XRCC5: variants seen among roughly 807,000 people sequenced by gnomAD.
XRCC5 encodes the protein X-ray repair cross complementing 5.
Under a neutral mutation model 95.7 loss-of-function variants are expected in XRCC5, and 12 were observed. The observed-to-expected ratio is 0.13, with a 90% CI of 0.08 to 0.20. The LOEUF (loss-of-function observed/expected upper bound fraction) is 0.20, where lower values mean the gene tolerates loss of function less well. XRCC5 is among the 10% of genes least tolerant of loss of function. XRCC5 has a pLI of 1.00. For missense variants in XRCC5, 595 were observed against 873.9 expected (o/e 0.68, Z 4.02); for synonymous variants, 281 against 290.3 (o/e 0.97, Z 0.33).
At chr2:216,122,035 C>CT in intron 5 of XRCC5, 27 bp from the exon 6 acceptor site, 2 of 1,582,080 alleles carry the variant, frequency 1.3e-6, no homozygotes, top group Non-Finnish European at 1.7e-6. Flanking sequence ...GATTAGAACA[C>CT]TAACTACTGT....
intron 5 of XRCC5, among the ~76,000 whole-genome samples, chr2:216,119,832 C>G (rs986895961): frequency 2.0e-5 from 3 of 152,196 alleles, no homozygotes; most frequent in African/African-American, 7.2e-5. Context: ...ATATCCCTAA[C>G]AAAAATTTCT....
rs541863469 is a variant in XRCC5 at position 216,122,666 on chromosome 2, T to C, written c.683+413T>C. ...ATCTGAGATAGTCAGTATCTTCTTA[T>C]CATCCTATTAAGGTTTTAGAAAGTA... is the stretch of plus-strand genomic sequence containing the variant. On this transcript the variant is annotated intron_variant, in intron 6 of 20. Transcript: ENST00000392132. 3.9e-5 allele frequency among the ~76,000 whole-genome samples: 6 copies of C among 151,988 alleles called. No homozygotes were observed. The East Asian group carries it at 1.2e-3, about 29-fold the overall frequency.
At chr2:216,150,234 G>A (rs1315779771) in intron 14 of XRCC5, among the ~76,000 whole-genome samples, 1 of 152,106 alleles carries the variant, frequency 6.6e-6, no homozygotes, top group Non-Finnish European at 1.5e-5. Flanking sequence ...TGTCTGTTCA[G>A]GAAGTTTAAT....
intron 9 of XRCC5, among the ~76,000 whole-genome samples, chr2:216,131,668 C>T (rs1468139258): frequency 6.6e-6 from 1 of 152,188 alleles, no homozygotes; most frequent in Non-Finnish European, 1.5e-5. Context: ...CAAGCCTCTA[C>T]TGTTCATCAG....
intron 14 of XRCC5, among the ~76,000 whole-genome samples, chr2:216,148,917 CAA>C (rs768852031): frequency 2.0e-5 from 3 of 152,192 alleles, no homozygotes; most frequent in Non-Finnish European, 4.4e-5. Context: ...AAAAATAAAA[CAA>C]GAAGAAATTG....
intron 19 of XRCC5, among the ~76,000 whole-genome samples, chr2:216,203,580 T>A (rs1463377288): frequency 6.6e-6 from 1 of 152,224 alleles, no homozygotes; most frequent in East Asian, 1.9e-4. Flanking sequence ...TCCTAGATCC[T>A]CACAGACTTC....
intron 12 of XRCC5, among the ~76,000 whole-genome samples, chr2:216,140,126 G>A (rs969492979): frequency 6.6e-6 from 1 of 152,212 alleles, no homozygotes; most frequent in Non-Finnish European, 1.5e-5. Context: ...TCAAGATGGT[G>A]TTGGCTGTGC....
At chr2:216,182,855 A>C (rs1418814838) in intron 16 of XRCC5, among the ~76,000 whole-genome samples, 1 of 152,136 alleles carries the variant, frequency 6.6e-6, no homozygotes, top group Non-Finnish European at 1.5e-5. Context: ...GGATATGTTT[A>C]GTGGTTTTTT....
intron 14 of XRCC5, among the ~76,000 whole-genome samples, chr2:216,153,937 T>A (rs188595695): frequency 6.6e-6 from 1 of 152,356 alleles, no homozygotes; most frequent in East Asian, 1.9e-4. Flanking sequence ...TGCTTTCTTC[T>A]TCCTGCTCCT....
intron 16 of XRCC5, among the ~76,000 whole-genome samples, chr2:216,170,682 C>A (rs1689148179): frequency 6.6e-6 from 1 of 152,134 alleles, no homozygotes; most frequent in Non-Finnish European, 1.5e-5. Context: ...ATGACTTGGG[C>A]CATCAGTGCA....
intron 14 of XRCC5, among the ~76,000 whole-genome samples, chr2:216,156,105 C>G (rs1457958025): frequency 1.3e-5 from 2 of 152,148 alleles, no homozygotes; most frequent in Non-Finnish European, 1.5e-5. Flanking sequence ...CACTAATCTG[C>G]CCTAGTTATA....
At chr2:216,140,225 T>C (rs376849122) in intron 12 of XRCC5, among the ~76,000 whole-genome samples, 3 of 152,348 alleles carry the variant, frequency 2.0e-5, no homozygotes, top group East Asian at 3.9e-4. Context: ...GTATGCTCTT[T>C]TATTTTGTTG....
chr2:216,163,379 G>T (rs1455384754), intron 16 of XRCC5, among the ~76,000 whole-genome samples: 9 of 152,026 alleles, frequency 5.9e-5, no homozygotes, highest in Admixed American at 3.3e-4. Flanking sequence ...GCAGTGGTGA[G>T]ATCTCAGCTT....
At chr2:216,143,193 G>T (rs886624740) in intron 13 of XRCC5, among the ~76,000 whole-genome samples, 3 of 152,330 alleles carry the variant, frequency 2.0e-5, no homozygotes, top group Admixed American at 2.0e-4. Flanking sequence ...CTTTCACACT[G>T]TTGTAAAGTG....
At chr2:216,170,434 C>T (rs1689139333) in intron 16 of XRCC5, among the ~76,000 whole-genome samples, 1 of 152,072 alleles carries the variant, frequency 6.6e-6, no homozygotes, top group African/African-American at 2.4e-5. Flanking sequence ...GCCCAGAGTC[C>T]ATTCAAGCCT....
intron 16 of XRCC5, among the ~76,000 whole-genome samples, chr2:216,169,444 C>T (rs1267737015): frequency 2.6e-5 from 4 of 152,170 alleles, no homozygotes; most frequent in Admixed American, 6.5e-5. Flanking sequence ...CTCTCTTGTC[C>T]AATCAAAGCT....
rs552276226 is a variant in XRCC5 at position 216,115,475 on chromosome 2, T to C, written c.136-1184T>C. Among the ~76,000 whole-genome samples, 5 of 152,310 alleles carry C rather than the reference T, an allele frequency of 3.3e-5. No individual in the cohort carries two copies. The South Asian group carries it at 6.2e-4, about 19-fold the overall frequency. On this transcript the variant is annotated intron_variant, in intron 2 of 20. Transcript: ENST00000392132. ...GCAGATACCTGCCCAGCCAGTATGCTACGCATGCTTGAATCCAGCAGCAGG... is the reference window on the plus strand; with the variant it reads ...GCAGATACCTGCCCAGCCAGTATGCCACGCATGCTTGAATCCAGCAGCAGG...
At chr2:216,180,516 C>T (rs1689366275) in intron 16 of XRCC5, among the ~76,000 whole-genome samples, 1 of 152,102 alleles carries the variant, frequency 6.6e-6, no homozygotes, top group Admixed American at 6.5e-5. Context: ...GTCCCAGCTA[C>T]TCAGGAGGCT....
At chr2:216,177,662 C>T (rs1367751827) in intron 16 of XRCC5, among the ~76,000 whole-genome samples, 2 of 152,132 alleles carry the variant, frequency 1.3e-5, no homozygotes, top group Non-Finnish European at 2.9e-5. Context: ...ATATCAAGTA[C>T]ATCAAGTCTT....
Sources: allele counts gnomAD v4.1 joint callset (sites outside exome capture counted in the v4.1 genomes callset), GRCh38; gene constraint gnomAD v4.1.1; transcripts MANE v1.5; gene names NCBI Gene and HGNC (gene_info 2026-07-23, HGNC 2026-07-21).